LMX1B: variants seen among roughly 807,000 people sequenced by gnomAD.
The protein encoded by LMX1B is LIM homeobox transcription factor 1 beta.
In LMX1B, 12 loss-of-function variants were observed where a neutral mutation model predicts 51.4. The observed-to-expected ratio is 0.23, with a 90% CI of 0.15 to 0.38. The LOEUF (loss-of-function observed/expected upper bound fraction) is 0.38. Among genes scored for constraint, LMX1B ranks in the 10% least tolerant of loss-of-function variants. LMX1B has a pLI of 1.00. For missense variants in LMX1B, 445 were observed against 571.1 expected (o/e 0.78, Z 2.25); for synonymous variants, 237 against 235.4 (o/e 1.01, Z -0.06).
At chr9:126,621,021 G>T (rs1284782434) in intron 2 of LMX1B, among the ~76,000 whole-genome samples, 3 of 152,202 alleles carry the variant, frequency 2.0e-5, no homozygotes, top group Non-Finnish European at 4.4e-5. Context: ...CTGTGGCCTT[G>T]TGAGGTTTCC....
At chr9:126,663,927 G>C (rs73596759) in intron 2 of LMX1B, among the ~76,000 whole-genome samples, 4,789 of 152,312 alleles carry the variant, frequency 0.031, 241 homozygotes, top group African/African-American at 0.11. Flanking sequence ...TCCCAGTATG[G>C]GGCTATTTTT....
rs1836155429 is a variant in LMX1B at position 126,658,165 on chromosome 9, G to A, written c.327-32671G>A. Reference sequence around the variant, plus strand: ...TCCCCAGCCAAGTGCAGAGGTCAGGGGTCTGTGTCTGGGGAATGTGGGGGC... The same window carrying A: ...TCCCCAGCCAAGTGCAGAGGTCAGGAGTCTGTGTCTGGGGAATGTGGGGGC... On this transcript the variant is annotated intron_variant, in intron 2 of 7. Coordinates refer to ENST00000373474, the MANE Select transcript of LMX1B (RefSeq NM_001174147.2). This position sits in a 1 kb window ranked among gnomAD's most constrained non-coding sequence, Gnocchi z 4.0. Among the ~76,000 whole-genome samples the A allele has an allele frequency of 6.6e-6, 1 of 152,058 alleles. No individual in the cohort carries two copies. Among genetic ancestry groups the A allele is most frequent in the Non-Finnish European group, 1.5e-5 (1 of 67,996 alleles).
chr9:126,691,043 C>T lies in LMX1B; in HGVS notation c.534C>T (p.Ser178=), dbSNP rs116316477. The T allele has an allele frequency of 1.2e-5, 19 of 1,612,414 alleles. No individual in the cohort carries two copies. In the East Asian group the frequency reaches 1.6e-4, roughly 13 times the overall value. ...AGAAGGAGAAGGACCTGCTCAGCTC[C>T]GTGAGCCCCGACGAGTCCGACTCCG... is the stretch of plus-strand genomic sequence containing the variant. ...DYEKEKDLLS[S]VSPDESDSVK... is the part of the protein sequence containing the mutation. Residue 178 remains serine, a synonymous_variant, in exon 3 of 8, where the codon TCC becomes TCT. Transcript: ENST00000373474.
chr9:126,638,246 C>A (rs1207710525), intron 2 of LMX1B, among the ~76,000 whole-genome samples: 1 of 152,140 alleles, frequency 6.6e-6, no homozygotes, highest in Non-Finnish European at 1.5e-5. Flanking sequence ...TGCTGCTGTG[C>A]CCTCCCAGGT....
chr9:126,696,241 C>T (rs1196868288), intron 7 of LMX1B, 53 bp from the exon 8 acceptor site: 9 of 1,573,076 alleles, frequency 5.7e-6, no homozygotes, highest in Admixed American at 1.7e-5. Flanking sequence ...AAACAGGGGG[C>T]CCCCAGGAGC....
intron 6 of LMX1B, 92 bp downstream of exon 6, chr9:126,693,904 G>T: frequency 1.5e-6 from 1 of 679,886 alleles, no homozygotes; most frequent in African/African-American, 1.8e-5. Flanking sequence ...GGCAGAGGCT[G>T]GGGCTGGGTG....
In LMX1B at chr9:126,615,338, G is replaced by C. The variant is rs746367009; in HGVS notation, c.140-45G>C. On this transcript the variant is annotated intron_variant, in intron 1 of 7. Transcript: ENST00000373474. This position sits in a 1 kb window ranked among gnomAD's most constrained non-coding sequence, Gnocchi z 6.0. ...CGGTGCGACCGGGACGCCGGGGCTG[G>C]GCCGGGCGGCGCTGACGGCCGGGCT... 5.5e-6 allele frequency: 8 copies of C among 1,460,706 alleles called. No homozygotes were observed. Among genetic ancestry groups the C allele is most frequent in the Non-Finnish European group, 7.2e-6 (8 of 1,106,082 alleles). The allele number at this position is 1,460,706 out of a possible 1,614,324, so 90.5% of individuals were successfully genotyped here.
At position 126,690,962 on chromosome 9, in the gene LMX1B, C is replaced by A; in HGVS notation, c.453C>A (p.Arg151=). 7 of 1,614,064 alleles carry A rather than the reference C, an allele frequency of 4.3e-6. No homozygotes were observed. Among genetic ancestry groups the A allele is most frequent in the Non-Finnish European group, 5.9e-6 (7 of 1,179,962 alleles). Residue 151 remains arginine, a synonymous_variant, in exon 3 of 8, where the codon CGC becomes CGA. Coordinates refer to ENST00000373474, the MANE Select transcript of LMX1B (RefSeq NM_001174147.2). ...FCCCVCERQL[R]KGDEFVLKEG... ...GCTGCGTGTGTGAACGGCAGCTACGCAAGGGCGACGAATTCGTGCTCAAGG... is the reference window on the plus strand; with the variant it reads ...GCTGCGTGTGTGAACGGCAGCTACGAAAGGGCGACGAATTCGTGCTCAAGG...
intron 2 of LMX1B, among the ~76,000 whole-genome samples, chr9:126,664,829 C>T (rs1836312617): frequency 6.6e-6 from 1 of 152,178 alleles, no homozygotes; most frequent in Non-Finnish European, 1.5e-5. Context: ...GAGCCAAGAT[C>T]ACGCCATCGC....
Position 126,614,389 on chromosome 9 carries a change from G to C in LMX1B, c.-61G>C. 3.1e-6 allele frequency: 4 copies of C among 1,281,854 alleles called. No homozygotes were observed. Among genetic ancestry groups the C allele is most frequent in the Non-Finnish European group, 4.0e-6 (4 of 1,007,842 alleles). 79.4% of individuals were successfully genotyped at this position (1,281,854 alleles called of 1,614,324 possible). ...TCCAGGGCCGCGGCGGCGGAGAGCG[G>C]GTGGACGGGCCGGCGGGCGAGCAGC... is the stretch of plus-strand genomic sequence containing the variant. On this transcript the variant is annotated 5_prime_UTR_variant, in exon 1 of 8. Coordinates refer to ENST00000373474, the MANE Select transcript of LMX1B (RefSeq NM_001174147.2).
At chr9:126,668,443 T>TTATTATTA (rs1836386051) in intron 2 of LMX1B, among the ~76,000 whole-genome samples, 1 of 146,922 alleles carries the variant, frequency 6.8e-6, no homozygotes, top group Non-Finnish European at 1.5e-5. Context: ...AGAAGCAGGA[T>TTATTATTA]TTATTATTAT....
chr9:126,661,137 G>GA (rs757081140), intron 2 of LMX1B, among the ~76,000 whole-genome samples: 34 of 152,214 alleles, frequency 2.2e-4, no homozygotes, highest in Non-Finnish European at 4.4e-4. Context: ...CCATACACAG[G>GA]ACAACCTCTG....
At chr9:126,684,715 A>T (rs1836740943) in intron 2 of LMX1B, among the ~76,000 whole-genome samples, 1 of 152,136 alleles carries the variant, frequency 6.6e-6, no homozygotes, top group Non-Finnish European at 1.5e-5. Flanking sequence ...AATCACTTCC[A>T]GTCACAAGAG....
intron 2 of LMX1B, among the ~76,000 whole-genome samples, chr9:126,669,497 G>A (rs1365635837): frequency 6.6e-6 from 1 of 152,108 alleles, no homozygotes; most frequent in East Asian, 1.9e-4. Context: ...TGTGTCCCTG[G>A]GCACCTGCAG....
chr9:126,663,720 G>A (rs945788981), intron 2 of LMX1B, among the ~76,000 whole-genome samples: 4 of 152,188 alleles, frequency 2.6e-5, no homozygotes, highest in African/African-American at 9.7e-5. Flanking sequence ...CTTGTGGATC[G>A]CTTGCCAGGC....
intron 2 of LMX1B, among the ~76,000 whole-genome samples, chr9:126,675,723 CA>C (rs377327017): frequency 1.4e-4 from 16 of 110,546 alleles, no homozygotes; most frequent in African/African-American, 4.9e-4. Context: ...GACTCCATCT[CA>C]AAAAAAAAAT....
In LMX1B at chr9:126,695,272, A is replaced by C. The variant is rs1246842645; in HGVS notation, c.887-567A>C. ...GGACCCCCACCCAGCTCGGCACCCC[A>C]GGGCTCCCCATGACCTGTGGTCCCT... On this transcript the variant is annotated intron_variant, in intron 6 of 7. Coordinates refer to ENST00000373474, the MANE Select transcript of LMX1B (RefSeq NM_001174147.2). The surrounding 1 kb of genome is among the most constrained non-coding windows in gnomAD (Gnocchi z 5.2). Among the ~76,000 whole-genome samples the C allele has an allele frequency of 2.0e-5, 3 of 151,838 alleles. No homozygotes were observed. The highest frequency in any genetic ancestry group is 4.4e-5 in the Non-Finnish European group (3 of 67,934).
chr9:126,632,247 G>A (rs950798188), intron 2 of LMX1B, among the ~76,000 whole-genome samples: 1 of 152,168 alleles, frequency 6.6e-6, no homozygotes, highest in Non-Finnish European at 1.5e-5. Context: ...CAGGGGCCTC[G>A]TTAGTCACAC....
In LMX1B at chr9:126,644,159, C is replaced by A. The variant is rs559100627; in HGVS notation, c.326+28590C>A. ...TGGGCCCGCGCTGGTCTCTCCGGGT[C>A]CTCGGTGTCCTGTGCCCCCACCGGG... On this transcript the variant is annotated intron_variant, in intron 2 of 7. Transcript: ENST00000373474. 3.3e-5 allele frequency among the ~76,000 whole-genome samples: 5 copies of A among 152,266 alleles called. No homozygotes were observed. The South Asian group carries it at 1.0e-3, about 32-fold the overall frequency.
Sources: allele counts gnomAD v4.1 joint callset (sites outside exome capture counted in the v4.1 genomes callset), GRCh38; gene constraint gnomAD v4.1.1; non-coding constraint Gnocchi (gnomAD v3.1); transcripts MANE v1.5; gene names NCBI Gene and HGNC (gene_info 2026-07-23, HGNC 2026-07-21).